RAPGEF5: variants seen among roughly 807,000 people sequenced by gnomAD.
RAPGEF5 encodes the protein Rap guanine nucleotide exchange factor 5, also known as M-Ras-regulated GEF.
Under a neutral mutation model 125.2 loss-of-function variants are expected in RAPGEF5, and 65 were observed. The ratio of observed to expected loss-of-function variants is 0.52; its 90% CI spans 0.43 to 0.64. RAPGEF5 has a LOEUF of 0.64. Ranked by LOEUF, RAPGEF5 falls within the 30% of genes least tolerant of loss-of-function variation. The pLI is 0.00. For synonymous variants in RAPGEF5, 391 were observed against 385.9 expected, an observed-to-expected ratio of 1.01 and a Z score of -0.16; for missense variants, 958 against 1,048.1, an observed-to-expected ratio of 0.91 and a Z score of 1.19.
At chr7:22,352,929 A>AAGT (rs1312726258) in intron 1 of RAPGEF5, among the ~76,000 whole-genome samples, 3 of 152,226 alleles carry the variant, frequency 2.0e-5, no homozygotes, top group Admixed American at 2.0e-4. Context: ...TAAAATCATT[A>AAGT]AGTAGAAGAC....
intron 11 of RAPGEF5, among the ~76,000 whole-genome samples, chr7:22,178,368 T>C (rs1354721962): frequency 6.6e-6 from 1 of 152,180 alleles, no homozygotes; most frequent in Non-Finnish European, 1.5e-5. Context: ...TGACACTACC[T>C]GGAGATAGCA....
chr7:22,201,634 T>C (rs1277627827), intron 9 of RAPGEF5, among the ~76,000 whole-genome samples: 1 of 152,256 alleles, frequency 6.6e-6, no homozygotes, highest in Non-Finnish European at 1.5e-5. Flanking sequence ...CTTAACAGTC[T>C]TTCTTGTCTA....
Position 22,167,153 on chromosome 7 carries a change from A to C in RAPGEF5, c.1205-5T>G. On this transcript the variant is annotated splice_polypyrimidine_tract_variant and splice_region_variant and intron_variant, in intron 11 of 25. Coordinates refer to ENST00000665637, the MANE Select transcript of RAPGEF5 (RefSeq NM_012294.5). ...GGAAGTCATCCAGGAGGGTCTCTGC[A>C]AAGAAAAAAAAAACAAACACAAGGT... The C allele has an allele frequency of 6.2e-7, 1 of 1,607,804 alleles. No individual in the cohort carries two copies. Among genetic ancestry groups the C allele is most frequent in the Non-Finnish European group, 8.5e-7 (1 of 1,175,646 alleles).
intron 5 of RAPGEF5, among the ~76,000 whole-genome samples, chr7:22,295,176 T>A (rs1185289853): frequency 6.6e-6 from 1 of 152,190 alleles, no homozygotes; most frequent in Non-Finnish European, 1.5e-5. Flanking sequence ...GGTGGAAGAA[T>A]GAGAATTAGA....
rs1163061166 is a variant in RAPGEF5 at position 22,118,497 on chromosome 7, G to A, written c.*3909C>T. On this transcript the variant is annotated 3_prime_UTR_variant, in exon 26 of 26. Transcript: ENST00000665637. ...CATATATATTATATATATACACAGA[G>A]GCAGAAAGCATGGAATATGGGAAAG... The A allele has an allele frequency of 6.6e-6, 1 of 152,598 alleles. No individual in the cohort carries two copies. Among genetic ancestry groups the A allele is most frequent in the Admixed American group, 6.5e-5 (1 of 15,282 alleles). 9.5% of individuals were successfully genotyped at this position (152,598 alleles called of 1,614,324 possible).
At chr7:22,160,148 G>T (rs148281778) in intron 14 of RAPGEF5, among the ~76,000 whole-genome samples, 1 of 151,938 alleles carries the variant, frequency 6.6e-6, no homozygotes, top group African/African-American at 2.4e-5. Flanking sequence ...AACTCCCTGG[G>T]ACCTATTTAT....
At chr7:22,344,170 G>A (rs977838180) in intron 1 of RAPGEF5, among the ~76,000 whole-genome samples, 1 of 152,082 alleles carries the variant, frequency 6.6e-6, no homozygotes, top group African/African-American at 2.4e-5. Flanking sequence ...GAGGGATTGG[G>A]CCTCTCTGCC....
At chr7:22,338,950 G>T (rs1032067022) in intron 1 of RAPGEF5, among the ~76,000 whole-genome samples, 1 of 152,192 alleles carries the variant, frequency 6.6e-6, no homozygotes, top group Admixed American at 6.5e-5. Context: ...ACCAGGGAAA[G>T]GCGGCCTCCC....
chr7:22,312,151 ATCT>A (rs537109018), intron 3 of RAPGEF5, among the ~76,000 whole-genome samples: 6 of 152,098 alleles, frequency 3.9e-5, no homozygotes, highest in Non-Finnish European at 5.9e-5. Context: ...CACCTGGGTG[ATCT>A]TCTTAAAGTA....
intron 7 of RAPGEF5, among the ~76,000 whole-genome samples, chr7:22,231,362 C>T (rs533868181): frequency 7.4e-4 from 112 of 152,186 alleles, no homozygotes; most frequent in African/African-American, 2.5e-3. Flanking sequence ...TGCATTGTTA[C>T]CACAAAATTC....
At chr7:22,170,010 CA>C (rs879869151) in intron 11 of RAPGEF5, among the ~76,000 whole-genome samples, 177 of 135,424 alleles carry the variant, frequency 1.3e-3, no homozygotes, top group South Asian at 1.9e-3. Flanking sequence ...GACTCTGTCT[CA>C]AAAAAAAAAA....
chr7:22,156,388 T>C (rs1339707596), intron 16 of RAPGEF5, among the ~76,000 whole-genome samples: 1 of 152,192 alleles, frequency 6.6e-6, no homozygotes, highest in Non-Finnish European at 1.5e-5. Context: ...CAGGAGTTTC[T>C]TCTCGTGGAC....
At chr7:22,308,209 A>T (rs1167267914) in intron 5 of RAPGEF5, 130 bp downstream of exon 5, 46 of 892,992 alleles carry the variant, frequency 5.2e-5, no homozygotes, top group Non-Finnish European at 7.2e-5. Context: ...CTAAATGTGC[A>T]TCTGAAAAAT....
chr7:22,184,333 G>A (rs1784765034), intron 11 of RAPGEF5, among the ~76,000 whole-genome samples: 1 of 152,120 alleles, frequency 6.6e-6, no homozygotes, highest in Non-Finnish European at 1.5e-5. Context: ...AGAAATATTA[G>A]GTAATCATTG....
intron 7 of RAPGEF5, among the ~76,000 whole-genome samples, chr7:22,266,636 T>C (rs528452295): frequency 6.6e-6 from 1 of 152,286 alleles, no homozygotes; most frequent in Admixed American, 6.5e-5. Flanking sequence ...GATACATAAT[T>C]ACAAGGTGAT....
At chr7:22,141,641 C>T (rs1783265029) in intron 20 of RAPGEF5, among the ~76,000 whole-genome samples, 1 of 152,190 alleles carries the variant, frequency 6.6e-6, no homozygotes, top group Non-Finnish European at 1.5e-5. Flanking sequence ...GCCGTGTTGC[C>T]TCCACACCTC....
chr7:22,341,113 G>C (rs1784120124), intron 1 of RAPGEF5, among the ~76,000 whole-genome samples: 1 of 152,134 alleles, frequency 6.6e-6, no homozygotes, highest in South Asian at 2.1e-4. Context: ...CCCAGGACTG[G>C]GCAATTTACA....
At chr7:22,200,421 C>T (rs931471209) in intron 9 of RAPGEF5, among the ~76,000 whole-genome samples, 2 of 152,138 alleles carry the variant, frequency 1.3e-5, no homozygotes, top group African/African-American at 4.8e-5. Context: ...ACTCACCCGA[C>T]CACAAAGGAG....
chr7:22,293,817 ACTCG>A (rs1404180484), intron 5 of RAPGEF5, among the ~76,000 whole-genome samples: 1 of 152,020 alleles, frequency 6.6e-6, no homozygotes, highest in Non-Finnish European at 1.5e-5. Context: ...AGAAGGCAAT[ACTCG>A]GCCACTCTCC....
Sources: gnomAD v4.1 joint callset for allele counts (sites outside exome capture counted in the v4.1 genomes callset) on GRCh38, gnomAD v4.1.1 for gene constraint, MANE v1.5 for transcripts, NCBI Gene and HGNC (gene_info 2026-07-23, HGNC 2026-07-21) for gene names.